The following FOXN3 variants were observed in gnomAD, a reference collection of about 807,000 sequenced individuals.
The protein encoded by FOXN3 is forkhead box protein N3.
Under a neutral mutation model 38.4 loss-of-function variants are expected in FOXN3, and 7 were observed. The observed-to-expected ratio is 0.18, with a 90% CI of 0.10 to 0.34. FOXN3 has a LOEUF of 0.34. Among genes scored for constraint, FOXN3 ranks in the 10% least tolerant of loss-of-function variants. The pLI is 1.00. For missense variants in FOXN3, 456 were observed against 613.4 expected (o/e 0.74, Z 2.71); for synonymous variants, 230 against 242.2 (o/e 0.95, Z 0.47).
At chr14:89,340,978 A>T (rs1888598588) in intron 3 of FOXN3, among the ~76,000 whole-genome samples, 1 of 152,092 alleles carries the variant, frequency 6.6e-6, no homozygotes, top group Non-Finnish European at 1.5e-5. Flanking sequence ...CTATTCCCTC[A>T]AGTTTCATTT....
intron 4 of FOXN3, among the ~76,000 whole-genome samples, chr14:89,215,483 T>C (rs1168354527): frequency 2.0e-5 from 3 of 152,166 alleles, no homozygotes; most frequent in African/African-American, 7.2e-5. Context: ...ATAAAAGGCT[T>C]CCACTATTTA....
Position 89,405,702 on chromosome 14 carries a change from G to A in FOXN3, c.543+6232C>T, listed in dbSNP as rs139866785. ...GCTGACAATTGAGCCCCATCTCAAC[G>A]GTACAAAAATATACTCTGTATTTGC... On this transcript the variant is annotated intron_variant, in intron 2 of 5. Transcript: ENST00000557258. 3.2e-4 allele frequency among the ~76,000 whole-genome samples: 48 copies of A among 152,182 alleles called. No individual in the cohort carries two copies. The East Asian group carries it at 4.8e-3, about 15-fold the overall frequency.
At chr14:89,205,348 C>T (rs1466109429) in intron 4 of FOXN3, among the ~76,000 whole-genome samples, 1 of 152,090 alleles carries the variant, frequency 6.6e-6, no homozygotes, top group East Asian at 1.9e-4. Context: ...GTGCCGGGTA[C>T]AGAAGGGCGG....
At chr14:89,323,213 A>G (rs1402582974) in intron 3 of FOXN3, among the ~76,000 whole-genome samples, 1 of 150,494 alleles carries the variant, frequency 6.6e-6, no homozygotes, top group Non-Finnish European at 1.5e-5. Flanking sequence ...GTTTGAACCC[A>G]GGAGGCAGAG....
chr14:89,505,067 A>T (rs1161203425), intron 1 of FOXN3, among the ~76,000 whole-genome samples: 1 of 152,166 alleles, frequency 6.6e-6, no homozygotes, highest in African/African-American at 2.4e-5. Context: ...TGCTCCGTGA[A>T]TTACTTCCCC....
intron 1 of FOXN3, among the ~76,000 whole-genome samples, chr14:89,532,359 C>T (rs1894587036): frequency 6.6e-6 from 1 of 152,140 alleles, no homozygotes; most frequent in Admixed American, 6.6e-5. Flanking sequence ...GAAAATACCA[C>T]CTTAAATACA....
intron 1 of FOXN3, among the ~76,000 whole-genome samples, chr14:89,474,670 T>A (rs993615203): frequency 2.0e-5 from 3 of 152,212 alleles, no homozygotes; most frequent in Non-Finnish European, 4.4e-5. Flanking sequence ...TTGACATTTT[T>A]GTTCAGTTGA....
At chr14:89,337,635 TC>T (rs1365923623) in intron 3 of FOXN3, among the ~76,000 whole-genome samples, 1 of 68,302 alleles carries the variant, frequency 1.5e-5, no homozygotes, top group Non-Finnish European at 4.1e-5. Context: ...TCTTTTCTTT[TC>T]TTTTTTTTTT....
intron 2 of FOXN3, among the ~76,000 whole-genome samples, chr14:89,405,392 C>G (rs1488667878): frequency 6.6e-6 from 1 of 152,164 alleles, no homozygotes; most frequent in Non-Finnish European, 1.5e-5. Context: ...CCGTCTTGGC[C>G]TCCTAAAGTG....
intron 1 of FOXN3, chr14:89,486,653 G>T (rs1047412470): frequency 6.6e-6 from 1 of 152,198 alleles, no homozygotes; most frequent in Non-Finnish European, 1.5e-5. Context: ...TCACGAGAAT[G>T]CTGGTCTTCT....
At chr14:89,324,443 CGT>C (rs71130053) in intron 3 of FOXN3, among the ~76,000 whole-genome samples, 54,971 of 143,010 alleles carry the variant, frequency 0.38, 10,226 homozygotes, top group Non-Finnish European at 0.43. Flanking sequence ...TAAGTGTGTG[CGT>C]GTGTGTGTGT....
At chr14:89,225,300 C>T (rs1007456464) in intron 4 of FOXN3, among the ~76,000 whole-genome samples, 1 of 150,640 alleles carries the variant, frequency 6.6e-6, no homozygotes, top group African/African-American at 2.4e-5. Flanking sequence ...GTGAGACTGT[C>T]TCTGAAAAAT....
chr14:89,275,305 G>T (rs1886267005), intron 4 of FOXN3, among the ~76,000 whole-genome samples: 1 of 152,130 alleles, frequency 6.6e-6, no homozygotes. Flanking sequence ...CTGGCTGAAG[G>T]TAACACTCTT....
intron 4 of FOXN3, among the ~76,000 whole-genome samples, chr14:89,237,383 T>A (rs1304318669): frequency 6.6e-6 from 1 of 152,218 alleles, no homozygotes; most frequent in Non-Finnish European, 1.5e-5. Flanking sequence ...CCACGGCTCA[T>A]GAGAATGTAA....
chr14:89,588,491 C>T (rs983548362), intron 1 of FOXN3, among the ~76,000 whole-genome samples: 3 of 152,066 alleles, frequency 2.0e-5, no homozygotes, highest in African/African-American at 7.2e-5. Context: ...CAACACCGCC[C>T]GATAGCACCA....
intron 1 of FOXN3, among the ~76,000 whole-genome samples, chr14:89,585,561 T>C (rs1464541628): frequency 1.3e-5 from 2 of 152,226 alleles, no homozygotes; most frequent in East Asian, 3.9e-4. Context: ...CTGGAGGCCC[T>C]TGGGATACAT....
intron 3 of FOXN3, among the ~76,000 whole-genome samples, chr14:89,295,614 C>CT (rs1887011012): frequency 6.6e-6 from 1 of 151,958 alleles, no homozygotes. Context: ...GGGTCTCACT[C>CT]TGTCACTCTG....
intron 2 of FOXN3, among the ~76,000 whole-genome samples, chr14:89,360,032 T>A (rs1186045632): frequency 6.6e-6 from 1 of 152,264 alleles, no homozygotes; most frequent in African/African-American, 2.4e-5. Context: ...GTCCAGCATA[T>A]GCCACGGTCT....
intron 1 of FOXN3, among the ~76,000 whole-genome samples, chr14:89,590,470 T>TC (rs1243077753): frequency 6.6e-6 from 1 of 152,056 alleles, no homozygotes; most frequent in Non-Finnish European, 1.5e-5. Context: ...TCAAATGCAT[T>TC]CACCCCACTG....
Sources: allele counts gnomAD v4.1 joint callset (sites outside exome capture counted in the v4.1 genomes callset), GRCh38; gene constraint gnomAD v4.1.1; transcripts MANE v1.5; gene names NCBI Gene and HGNC (gene_info 2026-07-23, HGNC 2026-07-21).